Variants in GABRA2 observed in about 807,000 individuals in gnomAD.
The protein encoded by GABRA2 is gamma-aminobutyric acid type A receptor subunit alpha2, also known as gamma-aminobutyric acid receptor subunit alpha-2.
Under a neutral mutation model 48.7 loss-of-function variants are expected in GABRA2, and 16 were observed. The observed-to-expected ratio is 0.33, with a 90% confidence interval of 0.22 to 0.50. The LOEUF (loss-of-function observed/expected upper bound fraction) is 0.50, where lower values mean the gene tolerates loss of function less well. Ranked by LOEUF, GABRA2 falls within the 20% of genes least tolerant of loss-of-function variation. The probability of loss-of-function intolerance (pLI) is 0.98; values close to 1 mark genes in which losing one functional copy is unlikely to be tolerated. For synonymous variants in GABRA2, 185 were observed against 184.5 expected, an observed-to-expected ratio of 1.00 and a Z score of -0.02; for missense variants, 275 against 535.6, an observed-to-expected ratio of 0.51 and a Z score of 4.80.
intron 4 of GABRA2, among the ~76,000 whole-genome samples, chr4:46,323,651 T>C (rs1729834996): frequency 6.6e-6 from 1 of 151,480 alleles, no homozygotes; most frequent in Admixed American, 6.6e-5. Flanking sequence ...CAGACACAAG[T>C]TATGCCTTCT....
At chr4:46,319,124 C>G (rs1014174976) in intron 4 of GABRA2, among the ~76,000 whole-genome samples, 1 of 151,728 alleles carries the variant, frequency 6.6e-6, no homozygotes, top group African/African-American at 2.4e-5. Flanking sequence ...AAATCACTCT[C>G]TATAAACTAT....
intron 4 of GABRA2, among the ~76,000 whole-genome samples, chr4:46,328,963 C>A (rs1220790452): frequency 6.6e-6 from 1 of 152,078 alleles, no homozygotes; most frequent in Non-Finnish European, 1.5e-5. Context: ...TGAGCACTAT[C>A]TTCCCTAATA....
intron 3 of GABRA2, among the ~76,000 whole-genome samples, chr4:46,338,405 A>C (rs1732633740): frequency 1.3e-5 from 2 of 151,962 alleles, no homozygotes; most frequent in South Asian, 4.1e-4. Flanking sequence ...TTAGGAAAAA[A>C]ACTTAACCTC....
chr4:46,311,831 G>T (rs760374240), intron 5 of GABRA2, among the ~76,000 whole-genome samples: 6 of 152,228 alleles, frequency 3.9e-5, no homozygotes, highest in Non-Finnish European at 8.8e-5. Context: ...GAGCGTGGAG[G>T]CTCATGCCTG....
At chr4:46,330,858 G>T (rs1731234654) in intron 4 of GABRA2, among the ~76,000 whole-genome samples, 1 of 151,896 alleles carries the variant, frequency 6.6e-6, no homozygotes, top group Non-Finnish European at 1.5e-5. Flanking sequence ...GACTCTACTT[G>T]ATTTTAGATA....
At chr4:46,295,802 C>T (rs1254386624) in intron 8 of GABRA2, among the ~76,000 whole-genome samples, 1 of 152,218 alleles carries the variant, frequency 6.6e-6, no homozygotes, top group African/African-American at 2.4e-5. Context: ...GATGTTTGTT[C>T]TCACTTGAAT....
chr4:46,381,389 T>C (rs1716737536), intron 3 of GABRA2, among the ~76,000 whole-genome samples: 1 of 152,230 alleles, frequency 6.6e-6, no homozygotes, highest in South Asian at 2.1e-4. Flanking sequence ...TTATTAATTC[T>C]AGCTAATCTG....
intron 8 of GABRA2, among the ~76,000 whole-genome samples, chr4:46,265,498 A>AATATATATATAATATATTGTATATATAT (rs1718025803): frequency 7.0e-6 from 1 of 143,216 alleles, no homozygotes; most frequent in African/African-American, 2.6e-5. Context: ...ATATATATAT[A>AATATATATATAATATATTGTATATATAT]TATATGTTTT....
At chr4:46,300,703 C>A (rs1725586325) in intron 8 of GABRA2, among the ~76,000 whole-genome samples, 1 of 151,998 alleles carries the variant, frequency 6.6e-6, no homozygotes, top group Non-Finnish European at 1.5e-5. Context: ...TTAATAGCAA[C>A]ACTATCCACT....
intron 8 of GABRA2, among the ~76,000 whole-genome samples, chr4:46,287,466 C>G (rs1282615634): frequency 6.6e-6 from 1 of 151,530 alleles, no homozygotes; most frequent in Non-Finnish European, 1.5e-5. Flanking sequence ...ATGATGAGTT[C>G]ATGTCCTTTG....
intron 9 of GABRA2, among the ~76,000 whole-genome samples, chr4:46,259,608 T>C (rs1390844555): frequency 1.3e-5 from 2 of 151,928 alleles, no homozygotes; most frequent in African/African-American, 4.8e-5. Flanking sequence ...TGGAGCTGAA[T>C]CATTATTCTT....
At chr4:46,380,228 G>A (rs1215237906) in intron 3 of GABRA2, among the ~76,000 whole-genome samples, 1 of 152,112 alleles carries the variant, frequency 6.6e-6, no homozygotes, top group Non-Finnish European at 1.5e-5. Context: ...ATTTTTATAT[G>A]TCATGACAGT....
chr4:46,294,355 A>G (rs1373076020), intron 8 of GABRA2, among the ~76,000 whole-genome samples: 2 of 152,220 alleles, frequency 1.3e-5, no homozygotes, highest in East Asian at 3.9e-4. Flanking sequence ...GTATTTTGAG[A>G]TATTCCTTCT....
intron 4 of GABRA2, among the ~76,000 whole-genome samples, chr4:46,332,003 G>A (rs922134872): frequency 6.6e-6 from 1 of 152,050 alleles, no homozygotes; most frequent in Non-Finnish European, 1.5e-5. Flanking sequence ...AATTACATTT[G>A]TGAGCCACCA....
chr4:46,325,322 T>C (rs1319755722), intron 4 of GABRA2, among the ~76,000 whole-genome samples: 1 of 152,032 alleles, frequency 6.6e-6, no homozygotes, highest in Non-Finnish European at 1.5e-5. Context: ...TTGATTTGCA[T>C]TTCTCTAATG....
At chr4:46,344,923 A>G (rs1733891402) in intron 3 of GABRA2, among the ~76,000 whole-genome samples, 1 of 151,980 alleles carries the variant, frequency 6.6e-6, no homozygotes, top group Non-Finnish European at 1.5e-5. Flanking sequence ...TCCTATTAAT[A>G]AAATGTAAAA....
At chr4:46,260,110 C>T (rs1716653048) in intron 9 of GABRA2, among the ~76,000 whole-genome samples, 1 of 151,934 alleles carries the variant, frequency 6.6e-6, no homozygotes, top group Non-Finnish European at 1.5e-5. Flanking sequence ...AGATCACAAA[C>T]TCATTCATTC....
At chr4:46,266,149 G>C (rs1718174174) in intron 8 of GABRA2, among the ~76,000 whole-genome samples, 1 of 151,540 alleles carries the variant, frequency 6.6e-6, no homozygotes, top group Admixed American at 6.6e-5. Context: ...TTTATGACCA[G>C]AGTATGTTAG....
At chr4:46,318,681 G>C (rs1343148303) in intron 4 of GABRA2, among the ~76,000 whole-genome samples, 1 of 151,610 alleles carries the variant, frequency 6.6e-6, no homozygotes, top group Non-Finnish European at 1.5e-5. Context: ...TAAAGGCTTA[G>C]ATCCATCAAC....
Sources: gnomAD v4.1 joint callset for allele counts (sites outside exome capture counted in the v4.1 genomes callset) on GRCh38, gnomAD v4.1.1 for gene constraint, MANE v1.5 for transcripts, NCBI Gene and HGNC (gene_info 2026-07-23, HGNC 2026-07-21) for gene names.